TGFB1: variants seen among roughly 807,000 people sequenced by gnomAD.
TGFB1 encodes transforming growth factor beta 1.
Under a neutral mutation model 43.8 loss-of-function variants are expected in TGFB1, and 19 were observed. The ratio of observed to expected loss-of-function variants is 0.43; its 90% CI spans 0.30 to 0.64. The LOEUF is 0.64. TGFB1 is among the 30% of genes least tolerant of loss of function. The pLI is 0.11. For missense variants in TGFB1, 445 were observed against 529.8 expected, an observed-to-expected ratio of 0.84 and a Z score of 1.57; for synonymous variants, 221 against 236.3, an observed-to-expected ratio of 0.94 and a Z score of 0.60.
At chr19:41,350,608 A>G (rs1439000587) in intron 1 of TGFB1, among the ~76,000 whole-genome samples, 1 of 152,154 alleles carries the variant, frequency 6.6e-6, no homozygotes, top group African/African-American at 2.4e-5. Flanking sequence ...GCGCCCAGCC[A>G]AGGTATTTTC....
In TGFB1 at chr19:41,353,409, C is replaced by CTT. The variant is rs2038241370; in HGVS notation, c.-366_-365insAA. ...GGCGTGCAGGGGGTGCGCCCGAGGT[C>CTT]TGGGGAAAAGTCTTTGCGGGAGGCC... On this transcript the variant is annotated 5_prime_UTR_variant, in exon 1 of 7. Transcript: ENST00000221930. The surrounding 1 kb of genome is among the most constrained non-coding windows in gnomAD (Gnocchi z 5.9). 4.6e-6 allele frequency: 1 copy of CTT among 217,752 alleles called. No individual in the cohort carries two copies. Among genetic ancestry groups the CTT allele is most frequent in the Non-Finnish European group, 9.1e-6 (1 of 110,260 alleles). The allele number at this position is 217,752 out of a possible 1,614,324, so 13.5% of individuals were successfully genotyped here. A position where few individuals can be genotyped will look rare whatever the true frequency, so the allele number is the denominator to read the frequency against.
intron 5 of TGFB1, among the ~76,000 whole-genome samples, chr19:41,336,333 A>G (rs994155260): frequency 1.5e-4 from 22 of 151,692 alleles, no homozygotes; most frequent in African/African-American, 5.1e-4. Context: ...CAGCTTCAAC[A>G]ATGACCAACT....
chr19:41,334,808 C>T (rs921281347), intron 5 of TGFB1, among the ~76,000 whole-genome samples: 2 of 151,324 alleles, frequency 1.3e-5, no homozygotes, highest in Non-Finnish European at 2.9e-5. Flanking sequence ...GAACTCAGCC[C>T]GTACCACCCA....
intron 5 of TGFB1, among the ~76,000 whole-genome samples, chr19:41,339,755 C>A (rs574411440): frequency 6.6e-6 from 1 of 152,090 alleles, no homozygotes; most frequent in South Asian, 2.1e-4. Context: ...ACCTGGGAGG[C>A]GGAGGTTGCA....
At chr19:41,335,866 G>A (rs897152060) in intron 5 of TGFB1, among the ~76,000 whole-genome samples, 2 of 128,410 alleles carry the variant, frequency 1.6e-5, no homozygotes, top group African/African-American at 6.1e-5. Context: ...GAGACTGTTT[G>A]TTGAGTCAAA....
chr19:41,330,835 GGA>G lies in TGFB1; in HGVS notation c.*215_*216del, dbSNP rs1454910706. 2.1e-5 allele frequency: 11 copies of G among 519,546 alleles called. No individual in the cohort carries two copies. In the East Asian group the frequency reaches 3.8e-4, roughly 18 times the overall value. The allele number at this position is 519,546 out of a possible 1,614,324, so 32.2% of individuals were successfully genotyped here. On this transcript the variant is annotated 3_prime_UTR_variant, in exon 7 of 7. Transcript: ENST00000221930. ...CAGACAGGCAGGAGGAGGCAGAGAGGGAGAGAGAGGGAGTGGGAGTGGGGGAA... is the reference window on the plus strand; with the variant it reads ...CAGACAGGCAGGAGGAGGCAGAGAGGGAGAGAGGGAGTGGGAGTGGGGGAA...
chr19:41,346,022 C>T (rs956132709), intron 2 of TGFB1, among the ~76,000 whole-genome samples: 7 of 151,922 alleles, frequency 4.6e-5, no homozygotes, highest in Admixed American at 1.3e-4. Context: ...TGCCATGCCG[C>T]ACCTAGATGC....
intron 2 of TGFB1, among the ~76,000 whole-genome samples, chr19:41,347,527 C>T (rs1470214490): frequency 1.3e-5 from 2 of 151,876 alleles, no homozygotes; most frequent in Non-Finnish European, 2.9e-5. Context: ...AGAGTCTGAA[C>T]ATTTAAAAGT....
rs911387955 is a variant in TGFB1 at position 41,336,288 on chromosome 19, G to A, written c.861-4007C>T. On this transcript the variant is annotated intron_variant, in intron 5 of 6. Coordinates refer to ENST00000221930, the MANE Select transcript of TGFB1 (RefSeq NM_000660.7). ...GCTGGGATTACAGGTGTGAGCCACC[G>A]CGTCCAGCTGGAAAGTTTCAGATGT... Among the ~76,000 whole-genome samples the A allele has an allele frequency of 2.6e-5, 4 of 151,822 alleles. No homozygotes were observed. In the East Asian group the frequency reaches 5.8e-4, roughly 22 times the overall value.
At chr19:41,332,519 TAAGAC>T (rs2123081065) in intron 5 of TGFB1, among the ~76,000 whole-genome samples, 1 of 152,304 alleles carries the variant, frequency 6.6e-6, no homozygotes. Flanking sequence ...ACGCAATGCT[TAAGAC>T]AAGCCTGTAA....
intron 5 of TGFB1, 129 bp from the exon 6 acceptor site, chr19:41,332,410 T>TGG: frequency 9.9e-7 from 1 of 1,007,488 alleles, no homozygotes; most frequent in South Asian, 1.5e-5. Context: ...GGGTCTCCCT[T>TGG]GCACCCACTG....
Position 41,331,214 on chromosome 19 carries a change from CG to C in TGFB1, c.1015-5del. On this transcript the variant is annotated splice_region_variant and splice_polypyrimidine_tract_variant and intron_variant, in intron 6 of 6. Transcript: ENST00000221930. ...GCTGGTTGTACAGGGCCAGGACCTG[CG>C]GGCGGCGGGCGGGGTCAGGGCTCAG... 1 of 1,510,410 alleles carries C rather than the reference CG, an allele frequency of 6.6e-7. No individual in the cohort carries two copies. The highest frequency in any genetic ancestry group is 8.9e-7 in the Non-Finnish European group (1 of 1,129,428). 93.6% of individuals were successfully genotyped at this position (1,510,410 alleles called of 1,614,324 possible). A position where few individuals can be genotyped will look rare whatever the true frequency, so the allele number is the denominator to read the frequency against.
In TGFB1 at chr19:41,331,066, A is replaced by T. The variant is rs1336387628; in HGVS notation, c.1159T>A (p.Cys387Ser). Reference protein sequence around the residue: ...EQLSNMIVRSCKCS With the variant: ...EQLSNMIVRSSKCS Reference sequence around the variant, plus strand: ...GGGGCGGGACCTCAGCTGCACTTGCAGGAGCGCACGATCATGTTGGACAGC... The same window carrying T: ...GGGGCGGGACCTCAGCTGCACTTGCTGGAGCGCACGATCATGTTGGACAGC... The change falls in exon 7 of 7, where the codon TGC becomes AGC. Residue 387 changes from cysteine (C) to serine (S), a missense_variant. Coordinates refer to ENST00000221930, the MANE Select transcript of TGFB1 (RefSeq NM_000660.7). The T allele has an allele frequency of 6.4e-7, 1 of 1,572,822 alleles. No homozygotes were observed. Among genetic ancestry groups the T allele is most frequent in the South Asian group, 1.2e-5 (1 of 86,614 alleles).
At chr19:41,332,376 GC>G in intron 5 of TGFB1, 95 bp from the exon 6 acceptor site, 17 of 1,433,852 alleles carry the variant, frequency 1.2e-5, no homozygotes, top group East Asian at 2.5e-5. Flanking sequence ...ACCCTAGGTT[GC>G]CCCCCCAGCC....
At chr19:41,352,632 G>A (rs1227040577) in intron 1 of TGFB1, 58 bp downstream of exon 1, 3 of 1,590,138 alleles carry the variant, frequency 1.9e-6, no homozygotes, top group Non-Finnish European at 2.6e-6. Context: ...CCGTGGCCCC[G>A]GCACTCCGGC....
At chr19:41,352,186 G>A (rs1006757968) in intron 1 of TGFB1, among the ~76,000 whole-genome samples, 1 of 151,640 alleles carries the variant, frequency 6.6e-6, no homozygotes, top group Non-Finnish European at 1.5e-5. Flanking sequence ...GCACCCTCTG[G>A]GGTTGCCTTC....
intron 3 of TGFB1, 143 bp from the exon 4 acceptor site, chr19:41,342,390 CTTTTTTTT>C (rs55678429): frequency 7.6e-4 from 328 of 432,038 alleles, no homozygotes; most frequent in African/African-American, 3.5e-3. Context: ...GCAGCTCTCT[CTTTTTTTT>C]TTTTTTTTTT....
rs965454968 is a variant in TGFB1 at position 41,340,868 on chromosome 19, C to T, written c.860+1015G>A. Among the ~76,000 whole-genome samples, 8 of 152,092 alleles carry T rather than the reference C, an allele frequency of 5.3e-5. No homozygotes were observed. The East Asian group carries it at 7.7e-4, about 15-fold the overall frequency. On this transcript the variant is annotated intron_variant, in intron 5 of 6. Transcript: ENST00000221930. The stretch of plus-strand genomic sequence containing the variant: ...CCAATGTTTCAGCTTTCCTTGAGTC[C>T]GACATTTTCCATTTCAGTAATTAAC...
chr19:41,340,000 T>C (rs968098165), intron 5 of TGFB1, among the ~76,000 whole-genome samples: 11 of 152,170 alleles, frequency 7.2e-5, no homozygotes, highest in African/African-American at 2.7e-4. Flanking sequence ...ATGATCACTC[T>C]AAATTTACAA....
Sources: allele counts gnomAD v4.1 joint callset (sites outside exome capture counted in the v4.1 genomes callset), GRCh38; gene constraint gnomAD v4.1.1; non-coding constraint Gnocchi (gnomAD v3.1); transcripts MANE v1.5; gene names NCBI Gene and HGNC (gene_info 2026-07-23, HGNC 2026-07-21).